Variants in ZFPL1 observed in about 807,000 individuals in gnomAD.
ZFPL1 encodes zinc finger protein-like 1.
A neutral mutation model predicts 32.0 loss-of-function variants in ZFPL1; 28 were observed. That is an observed-to-expected ratio of 0.87 (90% CI 0.65 to 1.20). The LOEUF (loss-of-function observed/expected upper bound fraction) is 1.20, where lower values mean the gene tolerates loss of function less well. Ranked by LOEUF, ZFPL1 falls within the 50% of genes most tolerant of loss-of-function variation. The pLI is 0.00. For synonymous variants in ZFPL1, 165 were observed against 177.0 expected, an observed-to-expected ratio of 0.93 and a Z score of 0.54; for missense variants, 386 against 424.8, an observed-to-expected ratio of 0.91 and a Z score of 0.80.
chr11:65,088,393 T>C lies in ZFPL1; in HGVS notation c.*279T>C, dbSNP rs1362820355. The C allele has an allele frequency of 6.7e-7, 1 of 1,491,474 alleles. No individual in the cohort carries two copies. The highest frequency in any genetic ancestry group is 1.2e-5 in the South Asian group (1 of 83,204). The allele number at this position is 1,491,474 out of a possible 1,614,324, so 92.4% of individuals were successfully genotyped here. On this transcript the variant is annotated 3_prime_UTR_variant, in exon 8 of 8. Coordinates refer to ENST00000294258, the MANE Select transcript of ZFPL1 (RefSeq NM_006782.4). ...CAGGTGGAAATAAACAACAACTTTA[T>C]TAAAACACCCGAGGCAGCCTTTTGC... is the stretch of plus-strand genomic sequence containing the variant.
chr11:65,087,568 C>A, intron 7 of ZFPL1, 135 bp downstream of exon 7: 1 of 826,258 alleles, frequency 1.2e-6, no homozygotes, highest in Non-Finnish European at 2.0e-6. Context: ...TGGGGCTGTG[C>A]AGAGAGGCCT....
At chr11:65,085,976 T>G in intron 3 of ZFPL1, 2 of 249,862 alleles carry the variant, frequency 8.0e-6, no homozygotes, top group Non-Finnish European at 1.6e-5. Context: ...ATAGTGTAGA[T>G]ATAGGGAATG....
intron 3 of ZFPL1, 148 bp from the exon 4 acceptor site, chr11:65,086,267 A>G (rs1242446022): frequency 9.2e-7 from 1 of 1,081,098 alleles, no homozygotes; most frequent in African/African-American, 1.6e-5. Context: ...GAAGACTGAC[A>G]TTTTAGGGAA....
chr11:65,085,539 C>T, intron 3 of ZFPL1: 1 of 420,224 alleles, frequency 2.4e-6, no homozygotes, highest in Non-Finnish European at 4.5e-6. Context: ...ATTAGCTAGC[C>T]AGACCGGCAT....
chr11:65,087,621 GTC>G, intron 7 of ZFPL1, 188 bp downstream of exon 7: 2 of 638,202 alleles, frequency 3.1e-6, no homozygotes, highest in African/African-American at 3.7e-5. Context: ...CTCTGGGACT[GTC>G]TCTATGCCTC....
In ZFPL1 at chr11:65,087,827, G is replaced by A. The variant is rs548177898; in HGVS notation, c.747-101G>A. ...GTGATCATCCCTGAGGCACAGACGA[G>A]GAGATGGAGGCTCAGGAATGGGTGG... On this transcript the variant is annotated intron_variant, in intron 7 of 7. Coordinates refer to ENST00000294258, the MANE Select transcript of ZFPL1 (RefSeq NM_006782.4). 85 of 1,253,740 alleles carry A rather than the reference G, an allele frequency of 6.8e-5. No homozygotes were observed. In the South Asian group the frequency reaches 1.2e-3, roughly 18 times the overall value. 77.7% of individuals were successfully genotyped at this position (1,253,740 alleles called of 1,614,324 possible).
intron 3 of ZFPL1, 95 bp downstream of exon 3, chr11:65,085,321 C>A: frequency 9.2e-7 from 1 of 1,092,320 alleles, no homozygotes; most frequent in Non-Finnish European, 1.4e-6. Context: ...GACAGTGAGT[C>A]CCCCGAGTCT....
Position 65,088,005 on chromosome 11 carries a change from G to T in ZFPL1, c.824G>T (p.Gly275Val). 6.2e-7 allele frequency: 1 copy of T among 1,602,174 alleles called. No individual in the cohort carries two copies. ...CTGCTGCTACTCTTGGGACTGCTGG[G>T]CTTCCTGGCCCTCCTTGCCCTCATG... ...AGLLLLLGLLGFLALLALMSR... is the reference protein window; with the variant it reads ...AGLLLLLGLLVFLALLALMSR... The change falls in exon 8 of 8, where the codon GGC (glycine) becomes GTC (valine). Residue 275 changes from glycine (G) to valine (V), a missense_variant. Coordinates refer to ENST00000294258, the MANE Select transcript of ZFPL1 (RefSeq NM_006782.4).
In ZFPL1 at chr11:65,087,960, C is replaced by G; in HGVS notation, c.779C>G (p.Thr260Ser). Residue 260 changes from threonine (T) to serine (S), a missense_variant, in exon 8 of 8, where the codon ACC (threonine) becomes AGC (serine). Transcript: ENST00000294258. ...GCTGGGTCTCGGAAGCGGCCGCTGACCCTGCTCCAGCGGGCGGGGCTGCTG... is the reference window on the plus strand; with the variant it reads ...GCTGGGTCTCGGAAGCGGCCGCTGAGCCTGCTCCAGCGGGCGGGGCTGCTG... Reference protein sequence around the residue: ...SRAGSRKRPLTLLQRAGLLLL... With the variant: ...SRAGSRKRPLSLLQRAGLLLL... 1 of 1,578,894 alleles carries G rather than the reference C, an allele frequency of 6.3e-7. No homozygotes were observed. The highest frequency in any genetic ancestry group is 8.5e-7 in the Non-Finnish European group (1 of 1,171,842).
rs951507761 is a variant in ZFPL1, at chr11:65,084,558, C to T, written c.-8-133C>T. On this transcript the variant is annotated intron_variant, in intron 1 of 7. Coordinates refer to ENST00000294258, the MANE Select transcript of ZFPL1 (RefSeq NM_006782.4). ...GGGTGTTTCTCCGCATAAGGAGGGA[C>T]AGTGGGCAGGAATCTGAGATCGGGG... The T allele has an allele frequency of 5.6e-6, 4 of 720,406 alleles. No homozygotes were observed. In the South Asian group the frequency reaches 6.8e-5, roughly 12 times the overall value. 44.6% of individuals were successfully genotyped at this position (720,406 alleles called of 1,614,324 possible).
chr11:65,088,398 A>G lies in ZFPL1; in HGVS notation c.*284A>G, dbSNP rs1244706690. 6.7e-7 allele frequency: 1 copy of G among 1,499,382 alleles called. No homozygotes were observed. Among genetic ancestry groups the G allele is most frequent in the East Asian group, 2.5e-5 (1 of 40,704 alleles). The allele number at this position is 1,499,382 out of a possible 1,614,324, so 92.9% of individuals were successfully genotyped here. A position where few individuals can be genotyped will look rare whatever the true frequency, so the allele number is the denominator to read the frequency against. On this transcript the variant is annotated 3_prime_UTR_variant, in exon 8 of 8. Transcript: ENST00000294258. Reference sequence around the variant, plus strand: ...GGAAATAAACAACAACTTTATTAAAACACCCGAGGCAGCCTTTTGCTTCCC... The same window carrying G: ...GGAAATAAACAACAACTTTATTAAAGCACCCGAGGCAGCCTTTTGCTTCCC...
chr11:65,086,354 G>A, intron 3 of ZFPL1, 61 bp from the exon 4 acceptor site: 1 of 1,604,748 alleles, frequency 6.2e-7, no homozygotes, highest in Non-Finnish European at 8.5e-7. Context: ...CTATTGCTAG[G>A]CTAGGAGCCC....
At chr11:65,086,681 A>T (rs925857215) in intron 4 of ZFPL1, 39 bp from the exon 5 acceptor site, 7 of 1,614,152 alleles carry the variant, frequency 4.3e-6, no homozygotes, top group Non-Finnish European at 5.9e-6. Flanking sequence ...GGGTGGGGAC[A>T]ATACTAGGCA....
chr11:65,084,790 A>C lies in ZFPL1; in HGVS notation c.92A>C (p.Asn31Thr), dbSNP rs113143197. 6.2e-7 allele frequency: 1 copy of C among 1,614,072 alleles called. No homozygotes were observed. Among genetic ancestry groups the C allele is most frequent in the Admixed American group, 1.7e-5 (1 of 60,024 alleles). Residue 31 changes from asparagine to threonine, a missense_variant, in exon 2 of 8, where the codon AAT becomes ACT. Transcript: ENST00000294258. ...VNVCEHCLVANHAKCIVQSYL... is the reference protein window; with the variant it reads ...VNVCEHCLVATHAKCIVQSYL... ...GTCTGCGAGCACTGCCTGGTAGCCA[A>C]TCACGCCAAGGTGGGGCCTTCAGGG...
rs116642605 is a variant in ZFPL1 at position 65,087,448 on chromosome 11, G to T, written c.746+15G>T. 2,841 of 1,612,696 alleles carry T rather than the reference G, an allele frequency of 1.8e-3. 42 individuals carry two copies. In the African/African-American group the frequency reaches 0.031, roughly 18 times the overall value. ...CGGCTGCTAAGGTACACAGGGTCAG[G>T]CAGGGCGGAATGCCAGGAAGGGGTG... On this transcript the variant is annotated intron_variant, in intron 7 of 7. Coordinates refer to ENST00000294258, the MANE Select transcript of ZFPL1 (RefSeq NM_006782.4).
At chr11:65,085,946 G>A (rs1397802897) in intron 3 of ZFPL1, 1 of 223,190 alleles carries the variant, frequency 4.5e-6, no homozygotes, top group Non-Finnish European at 9.1e-6. Flanking sequence ...AGATGTGTAT[G>A]TGTGAGGGCT....
At chr11:65,085,732 A>G (rs1220682022) in intron 3 of ZFPL1, 2 of 220,434 alleles carry the variant, frequency 9.1e-6, no homozygotes, top group Admixed American at 5.2e-5. Context: ...TCAGCTCCAT[A>G]TGTGTTTCTC....
At chr11:65,087,105 G>A (rs758975193) in intron 6 of ZFPL1, 31 bp downstream of exon 6, 2 of 1,602,132 alleles carry the variant, frequency 1.2e-6, no homozygotes, top group South Asian at 1.1e-5. Flanking sequence ...GGCCGCAGAA[G>A]GATAGGAAGA....
chr11:65,086,379 C>T (rs1380855931), intron 3 of ZFPL1, 36 bp from the exon 4 acceptor site: 7 of 1,613,502 alleles, frequency 4.3e-6, no homozygotes, highest in Non-Finnish European at 5.9e-6. Context: ...TGTCTTCTTC[C>T]TCATGTCTCT....
Sources: gnomAD v4.1 joint callset for allele counts on GRCh38, gnomAD v4.1.1 for gene constraint, MANE v1.5 for transcripts, NCBI Gene and HGNC (gene_info 2026-07-23, HGNC 2026-07-21) for gene names.